Variants in GPR39 observed in about 807,000 individuals in gnomAD.
The protein encoded by GPR39 is G protein-coupled receptor 39, also known as zinc sensing receptor.
GPR39 carries 23 observed loss-of-function variants against 18.4 expected under a neutral mutation model. The ratio of observed to expected loss-of-function variants is 1.25; its 90% CI spans 0.90 to 1.77. The LOEUF (loss-of-function observed/expected upper bound fraction) is 1.77, where lower values mean the gene tolerates loss of function less well. Among genes scored for constraint, GPR39 ranks in the 40% most tolerant of loss-of-function variants. GPR39 has a pLI of 0.00. For missense variants in GPR39, 647 were observed against 602.4 expected (o/e 1.07, Z -0.78); for synonymous variants, 280 against 257.9 (o/e 1.09, Z -0.82).
intron 1 of GPR39, among the ~76,000 whole-genome samples, chr2:132,539,982 A>G (rs925366596): frequency 6.6e-6 from 1 of 152,180 alleles, no homozygotes; most frequent in Non-Finnish European, 1.5e-5. Context: ...CAAGAGGCCA[A>G]AATAATATCT....
chr2:132,533,690 T>C (rs971192070), intron 1 of GPR39, among the ~76,000 whole-genome samples: 9 of 152,092 alleles, frequency 5.9e-5, no homozygotes, highest in Non-Finnish European at 1.3e-4. Flanking sequence ...GAAATAATGC[T>C]GCATATCTAC....
At chr2:132,468,545 A>C (rs143460253) in intron 1 of GPR39, among the ~76,000 whole-genome samples, 15 of 152,242 alleles carry the variant, frequency 9.9e-5, no homozygotes, top group Non-Finnish European at 2.2e-4. Flanking sequence ...AATGAGTGTC[A>C]TGGCAGTGAA....
At chr2:132,488,834 C>G (rs1681396958) in intron 1 of GPR39, 1 of 175,730 alleles carries the variant, frequency 5.7e-6, no homozygotes, top group African/African-American at 2.3e-5. Flanking sequence ...TGCCCCTGCG[C>G]CCTGGCTGTC....
At chr2:132,428,835 G>C (rs1680174666) in intron 1 of GPR39, among the ~76,000 whole-genome samples, 1 of 152,178 alleles carries the variant, frequency 6.6e-6, no homozygotes, top group Non-Finnish European at 1.5e-5. Flanking sequence ...ATGACACTTA[G>C]ACATAAAAAA....
At chr2:132,435,770 G>A (rs909195070) in intron 1 of GPR39, among the ~76,000 whole-genome samples, 2 of 152,140 alleles carry the variant, frequency 1.3e-5, no homozygotes, top group African/African-American at 4.8e-5. Flanking sequence ...AGCTTGAAGT[G>A]GTAAACTTGA....
chr2:132,531,590 T>C (rs896376597), intron 1 of GPR39, among the ~76,000 whole-genome samples: 3 of 152,342 alleles, frequency 2.0e-5, no homozygotes, highest in African/African-American at 7.2e-5. Flanking sequence ...ATTGACCACG[T>C]AGTTGGAAGT....
Position 132,645,788 on chromosome 2 carries a change from C to G in GPR39, c.*182C>G, listed in dbSNP as rs1403939400. 1.2e-6 allele frequency: 1 copy of G among 848,758 alleles called. No homozygotes were observed. The highest frequency in any genetic ancestry group is 1.8e-6 in the Non-Finnish European group (1 of 564,896). 52.6% of individuals were successfully genotyped at this position (848,758 alleles called of 1,614,324 possible). A position where few individuals can be genotyped will look rare whatever the true frequency, so the allele number is the denominator to read the frequency against. On this transcript the variant is annotated 3_prime_UTR_variant, in exon 2 of 2. Transcript: ENST00000329321. ...TGACTCTGCCAGCCTGGCCTTGACT[C>G]CGGTTACACAGACATGGGGGTGAAC...
At chr2:132,531,755 G>T (rs938689145) in intron 1 of GPR39, among the ~76,000 whole-genome samples, 11 of 152,036 alleles carry the variant, frequency 7.2e-5, no homozygotes, top group Admixed American at 5.2e-4. Context: ...GACTACTGGG[G>T]ACATAACAAA....
chr2:132,481,789 CCTTA>C (rs1324609096), intron 1 of GPR39, among the ~76,000 whole-genome samples: 2 of 152,152 alleles, frequency 1.3e-5, no homozygotes, highest in Non-Finnish European at 2.9e-5. Context: ...GGAGGCAGTT[CCTTA>C]ATGCCACTGC....
At chr2:132,542,525 A>G (rs537025914) in intron 1 of GPR39, among the ~76,000 whole-genome samples, 1 of 152,332 alleles carries the variant, frequency 6.6e-6, no homozygotes, top group East Asian at 1.9e-4. Flanking sequence ...TGCAAGGTCA[A>G]GGAGAACCTC....
chr2:132,480,673 G>C (rs1164016506), intron 1 of GPR39, among the ~76,000 whole-genome samples: 1 of 152,162 alleles, frequency 6.6e-6, no homozygotes, highest in Non-Finnish European at 1.5e-5. Flanking sequence ...CAATGCTAAC[G>C]AGAAAATGAT....
intron 1 of GPR39, among the ~76,000 whole-genome samples, chr2:132,633,527 C>A (rs1226301404): frequency 6.6e-6 from 1 of 152,100 alleles, no homozygotes; most frequent in East Asian, 1.9e-4. Flanking sequence ...GTCATTGACT[C>A]TTTCTGGGCC....
intron 1 of GPR39, among the ~76,000 whole-genome samples, chr2:132,484,653 C>T (rs1381781522): frequency 6.6e-6 from 1 of 152,194 alleles, no homozygotes; most frequent in Non-Finnish European, 1.5e-5. Flanking sequence ...AGGAATAAGC[C>T]TCAGGGGATG....
chr2:132,507,671 C>T (rs1679159757), intron 1 of GPR39, among the ~76,000 whole-genome samples: 1 of 152,182 alleles, frequency 6.6e-6, no homozygotes. Flanking sequence ...GCTGCAAGCT[C>T]AAGAAGGTCA....
chr2:132,421,798 T>G (rs1454258274), intron 1 of GPR39, among the ~76,000 whole-genome samples: 1 of 151,540 alleles, frequency 6.6e-6, no homozygotes, highest in Non-Finnish European at 1.5e-5. Context: ...CAGAATTAGG[T>G]CAAACCAAGC....
In GPR39 at chr2:132,417,717, C is replaced by T. The variant is rs769750981; in HGVS notation, c.675C>T (p.Phe225=). ...SRWTVFQSSI[F]GAFVVYLVVL... is the part of the protein sequence containing the mutation. ...GGACCGTGTTCCAGTCCAGCATCTT[C>T]GGCGCCTTCGTGGTCTACCTCGTGG... is the stretch of plus-strand genomic sequence containing the variant. The change falls in exon 1 of 2, where the codon TTC becomes TTT. Residue 225 remains phenylalanine, a synonymous_variant. Coordinates refer to ENST00000329321, the MANE Select transcript of GPR39 (RefSeq NM_001508.3). 61 of 1,614,096 alleles carry T rather than the reference C, an allele frequency of 3.8e-5. No individual in the cohort carries two copies. Among genetic ancestry groups the T allele is most frequent in the Non-Finnish European group, 4.9e-5 (58 of 1,180,052 alleles).
At chr2:132,491,219 A>C (rs2104795405) in intron 1 of GPR39, among the ~76,000 whole-genome samples, 1 of 152,308 alleles carries the variant, frequency 6.6e-6, no homozygotes, top group Non-Finnish European at 1.5e-5. Context: ...TTCGAACTAA[A>C]CCAGGATTGA....
intron 1 of GPR39, among the ~76,000 whole-genome samples, chr2:132,552,824 A>G (rs1156723190): frequency 1.1e-4 from 11 of 101,930 alleles, no homozygotes; most frequent in African/African-American, 4.6e-4. Context: ...GTGTGTATGT[A>G]TATATATACA....
chr2:132,428,321 C>G (rs1203234613), intron 1 of GPR39, among the ~76,000 whole-genome samples: 1 of 152,188 alleles, frequency 6.6e-6, no homozygotes, highest in Non-Finnish European at 1.5e-5. Flanking sequence ...CCATAGAGAT[C>G]AAAATGCTGG....
Sources: gnomAD v4.1 joint callset for allele counts (sites outside exome capture counted in the v4.1 genomes callset) on GRCh38, gnomAD v4.1.1 for gene constraint, MANE v1.5 for transcripts, NCBI Gene and HGNC (gene_info 2026-07-23, HGNC 2026-07-21) for gene names.